Variants in MFAP3 observed in about 807,000 individuals in gnomAD.
MFAP3 encodes microfibril associated protein 3.
MFAP3 carries 8 observed loss-of-function variants against 20.5 expected under a neutral mutation model. The ratio of observed to expected loss-of-function variants is 0.39; its 90% CI spans 0.23 to 0.70. MFAP3 has a LOEUF of 0.70. MFAP3 is among the 30% of genes least tolerant of loss of function. The pLI is 0.44. For synonymous variants in MFAP3, 140 were observed against 154.0 expected (o/e 0.91, Z 0.67); for missense variants, 398 against 444.6 (o/e 0.90, Z 0.94).
At chr5:154,047,234 T>C (rs973458155) in intron 1 of MFAP3, among the ~76,000 whole-genome samples, 2 of 152,192 alleles carry the variant, frequency 1.3e-5, no homozygotes, top group Admixed American at 1.3e-4. Context: ...TGTTGGGTCC[T>C]CCTGTAGCAT....
intron 1 of MFAP3, among the ~76,000 whole-genome samples, chr5:154,042,213 A>G (rs984855240): frequency 1.3e-5 from 2 of 152,250 alleles, no homozygotes; most frequent in African/African-American, 4.8e-5. Context: ...TAGAGGGGGA[A>G]AAATGGCCTG....
chr5:154,049,435 C>G (rs1561589863), intron 1 of MFAP3, 122 bp from the exon 2 acceptor site: 1 of 317,960 alleles, frequency 3.1e-6, no homozygotes, highest in Non-Finnish European at 5.9e-6. Flanking sequence ...ACTGTTCCAT[C>G]TAATTACTCC....
intron 1 of MFAP3, among the ~76,000 whole-genome samples, chr5:154,039,967 A>G (rs569238061): frequency 4.7e-4 from 72 of 152,312 alleles, no homozygotes; most frequent in African/African-American, 1.6e-3. Context: ...TATCACCTGG[A>G]AGCTTGTTAA....
At chr5:154,050,643 C>T (rs1386857632) in intron 2 of MFAP3, among the ~76,000 whole-genome samples, 4 of 98,692 alleles carry the variant, frequency 4.1e-5, no homozygotes, top group African/African-American at 1.6e-4. Flanking sequence ...GTATTCTATA[C>T]CTTAATTTAC....
In MFAP3 at chr5:154,054,952, A is replaced by G. The variant is rs1561592995; in HGVS notation, c.*1239A>G. Reference sequence around the variant, plus strand: ...GTTACTATATTAAAATACACACACAACTGATCTAGACATCAAGAGGAAGAA... The same window carrying G: ...GTTACTATATTAAAATACACACACAGCTGATCTAGACATCAAGAGGAAGAA... On this transcript the variant is annotated 3_prime_UTR_variant, in exon 3 of 3. Transcript: ENST00000522782. 6.0e-6 allele frequency: 1 copy of G among 167,078 alleles called. No homozygotes were observed. The highest frequency in any genetic ancestry group is 6.5e-5 in the Admixed American group (1 of 15,292). 10.3% of individuals were successfully genotyped at this position (167,078 alleles called of 1,614,324 possible).
At chr5:154,044,946 A>T (rs1270303588) in intron 1 of MFAP3, among the ~76,000 whole-genome samples, 1 of 151,380 alleles carries the variant, frequency 6.6e-6, no homozygotes, top group African/African-American at 2.4e-5. Context: ...TTAAAAAAAA[A>T]AAAGGGTCAC....
At chr5:154,039,915 C>T (rs987208423) in intron 1 of MFAP3, among the ~76,000 whole-genome samples, 1 of 152,152 alleles carries the variant, frequency 6.6e-6, no homozygotes, top group African/African-American at 2.4e-5. Flanking sequence ...CAGATATTTT[C>T]CTTTGCTTTT....
At position 154,048,781 on chromosome 5, in the gene MFAP3, T is replaced by G. The variant is rs535133867; in HGVS notation, c.-166-776T>G. Among the ~76,000 whole-genome samples, 28 of 152,336 alleles carry G rather than the reference T, an allele frequency of 1.8e-4. No individual in the cohort carries two copies. In the South Asian group the frequency reaches 5.6e-3, roughly 30 times the overall value. ...ATTTCTACTAACTAGACACTTAAGA[T>G]GTCAGTTCCTCCCTTAGCTAGTTTA... On this transcript the variant is annotated intron_variant, in intron 1 of 2. Transcript: ENST00000522782.
At chr5:154,051,821 C>T (rs1773197979) in intron 2 of MFAP3, 1 of 152,072 alleles carries the variant, frequency 6.6e-6, no homozygotes, top group Non-Finnish European at 1.5e-5. Flanking sequence ...AATCCAGAAC[C>T]ATAGAATCTT....
At chr5:154,050,610 C>CTTTTTTTTTT (rs11167656) in intron 2 of MFAP3, among the ~76,000 whole-genome samples, 14 of 93,278 alleles carry the variant, frequency 1.5e-4, no homozygotes, top group Admixed American at 2.4e-4. Flanking sequence ...CCTTCCAGCT[C>CTTTTTTTTTT]TTTTTTTTTT....
chr5:154,045,063 C>T (rs1773046331), intron 1 of MFAP3, among the ~76,000 whole-genome samples: 1 of 152,058 alleles, frequency 6.6e-6, no homozygotes, highest in Non-Finnish European at 1.5e-5. Context: ...CTCCCTTCCC[C>T]ATCCCTCTTG....
At chr5:154,042,958 A>G (rs1772989815) in intron 1 of MFAP3, among the ~76,000 whole-genome samples, 1 of 152,240 alleles carries the variant, frequency 6.6e-6, no homozygotes, top group Admixed American at 6.5e-5. Flanking sequence ...GAAATCAGCC[A>G]TATTACTTCC....
rs1049778200 is a variant in MFAP3, at chr5:154,049,734, T to A, written c.12T>A (p.His4Gln). Reference protein sequence around the residue: MKLHCCLFTLVASI... With the variant: MKLQCCLFTLVASI... ...TGTCCCATTTTCCCATGAAGCTACA[T>A]TGTTGCTTATTCACTTTAGTGGCAA... The change falls in exon 2 of 3, where the codon CAT becomes CAA. Residue 4 changes from histidine (H) to glutamine (Q), a missense_variant. Physicochemically the swap from His to Gln is conservative, Grantham distance 24 (BLOSUM62 0). Coordinates refer to ENST00000522782, the MANE Select transcript of MFAP3 (RefSeq NM_005927.5). 3 of 1,612,438 alleles carry A rather than the reference T, an allele frequency of 1.9e-6. No homozygotes were observed. Among genetic ancestry groups the A allele is most frequent in the Admixed American group, 1.7e-5 (1 of 59,922 alleles).
intron 1 of MFAP3, among the ~76,000 whole-genome samples, chr5:154,044,463 G>A (rs145640322): frequency 1.5e-4 from 23 of 152,300 alleles, no homozygotes; most frequent in Admixed American, 2.6e-4. Flanking sequence ...GGTTATATCC[G>A]TTAGTCTTTC....
At chr5:154,050,460 TAA>T (rs1773162395) in intron 2 of MFAP3, among the ~76,000 whole-genome samples, 1 of 152,072 alleles carries the variant, frequency 6.6e-6, no homozygotes, top group Non-Finnish European at 1.5e-5. Context: ...TTGTTATAAA[TAA>T]AAAAGTTTTG....
chr5:154,043,675 A>G (rs531394940), intron 1 of MFAP3, among the ~76,000 whole-genome samples: 19 of 152,038 alleles, frequency 1.2e-4, no homozygotes, highest in Non-Finnish European at 1.9e-4. Context: ...TCCTTTTTGA[A>G]ATCTGTTCTT....
At chr5:154,051,456 CAAGT>C in intron 2 of MFAP3, among the ~76,000 whole-genome samples, 1 of 152,274 alleles carries the variant, frequency 6.6e-6, no homozygotes, top group South Asian at 2.1e-4. Context: ...TTATGAATCT[CAAGT>C]GAGAGGAGTT....
rs753755049 is a variant in MFAP3 at position 154,050,064 on chromosome 5, T to C, written c.295+47T>C. The C allele has an allele frequency of 1.4e-5, 21 of 1,527,400 alleles. No homozygotes were observed. The Admixed American group carries it at 4.5e-4, about 33-fold the overall frequency. The allele number at this position is 1,527,400 out of a possible 1,614,324, so 94.6% of individuals were successfully genotyped here. The stretch of plus-strand genomic sequence containing the variant: ...AATCAAGGTTACTCATTTCCTGTTC[T>C]GTCTTCTTATTTTTTAACACGTTAA... On this transcript the variant is annotated intron_variant, in intron 2 of 2. Coordinates refer to ENST00000522782, the MANE Select transcript of MFAP3 (RefSeq NM_005927.5).
chr5:154,039,818 G>A (rs2113549121), intron 1 of MFAP3, among the ~76,000 whole-genome samples: 1 of 152,306 alleles, frequency 6.6e-6, no homozygotes, highest in South Asian at 2.1e-4. Flanking sequence ...TAGCCTTTAA[G>A]AACTCATGTT....
Sources: allele counts gnomAD v4.1 joint callset (sites outside exome capture counted in the v4.1 genomes callset), GRCh38; gene constraint gnomAD v4.1.1; transcripts MANE v1.5; gene names NCBI Gene and HGNC (gene_info 2026-07-23, HGNC 2026-07-21).